SERPINA9: variants seen among roughly 807,000 people sequenced by gnomAD.
SERPINA9 encodes the protein serpin family A member 9, also known as serpin A9.
SERPINA9 carries 32 observed loss-of-function variants against 24.5 expected under a neutral mutation model. That is an observed-to-expected ratio of 1.30 (90% CI 0.98 to 1.75). The LOEUF (loss-of-function observed/expected upper bound fraction) is 1.75. SERPINA9 is among the 40% of genes most tolerant of loss of function. SERPINA9 has a pLI of 0.00. For synonymous variants in SERPINA9, 233 were observed against 197.7 expected (o/e 1.18, Z -1.50); for missense variants, 594 against 497.1 (o/e 1.19, Z -1.85).
At chr14:94,470,266 C>T in intron 1 of SERPINA9, 1 of 949,824 alleles carries the variant, frequency 1.1e-6, no homozygotes, top group South Asian at 4.8e-5. Context: ...GAGGTCCCTC[C>T]ACACATTCTT....
chr14:94,474,148 C>G (rs557130706), intron 1 of SERPINA9, among the ~76,000 whole-genome samples: 1 of 152,190 alleles, frequency 6.6e-6, no homozygotes, highest in African/African-American at 2.4e-5. Flanking sequence ...TGCTGCCAGG[C>G]GCCAGGATGC....
chr14:94,463,494 G>C (rs1898842332), intron 4 of SERPINA9, among the ~76,000 whole-genome samples, 198 bp from the exon 5 acceptor site: 1 of 152,202 alleles, frequency 6.6e-6, no homozygotes. Flanking sequence ...CACCGGGATT[G>C]AGATGGTTAC....
intron 2 of SERPINA9, among the ~76,000 whole-genome samples, chr14:94,468,595 C>A (rs1177859074): frequency 6.6e-6 from 1 of 152,142 alleles, no homozygotes; most frequent in Non-Finnish European, 1.5e-5. Flanking sequence ...GATCATAGAG[C>A]AAGTATGGGG....
rs1454948384 is a variant in SERPINA9 at position 94,462,997 on chromosome 14, C to T, written c.*96G>A. The T allele has an allele frequency of 9.1e-7, 1 of 1,095,844 alleles. No individual in the cohort carries two copies. Among genetic ancestry groups the T allele is most frequent in the African/African-American group, 1.5e-5 (1 of 65,252 alleles). 67.9% of individuals were successfully genotyped at this position (1,095,844 alleles called of 1,614,324 possible). ...ATCCCTGCCAGCGAATCCAGCTCCA[C>T]TGGGGTCAAATGCACCCTCAGAACA... On this transcript the variant is annotated 3_prime_UTR_variant, in exon 5 of 5. Transcript: ENST00000674397.
At chr14:94,468,677 G>A (rs1383234600) in intron 2 of SERPINA9, among the ~76,000 whole-genome samples, 2 of 152,186 alleles carry the variant, frequency 1.3e-5, no homozygotes, top group African/African-American at 2.4e-5. Context: ...CAGTGAAACT[G>A]TAAAGCTCTA....
At position 94,469,794 on chromosome 14, in the gene SERPINA9, G is replaced by T. The variant is rs570822602; in HGVS notation, c.47C>A (p.Ala16Asp). ...GGCCGGGGACACACAGTAGATTGGA[G>T]CACAGAGGCCAACAGCAAAGAGTAC... is the stretch of plus-strand genomic sequence containing the variant. ...YGVLFAVGLC[A>D]PIYCVSPANA... Residue 16 changes from alanine (A) to aspartate (D), a missense_variant, in exon 2 of 5, where the codon GCT becomes GAT. Coordinates refer to ENST00000674397, the MANE Select transcript of SERPINA9 (RefSeq NM_175739.4). The T allele has an allele frequency of 6.0e-5, 92 of 1,528,688 alleles. No homozygotes were observed. The South Asian group carries it at 1.1e-3, about 18-fold the overall frequency. 94.7% of individuals were successfully genotyped at this position (1,528,688 alleles called of 1,614,324 possible). A position where few individuals can be genotyped will look rare whatever the true frequency, so the allele number is the denominator to read the frequency against.
At chr14:94,476,089 T>C (rs769580719) in intron 1 of SERPINA9, 47 bp downstream of exon 1, 6 of 1,613,926 alleles carry the variant, frequency 3.7e-6, no homozygotes, top group Non-Finnish European at 5.1e-6. Context: ...TCCCTCTGGC[T>C]CAGTGACACC....
chr14:94,473,747 A>G (rs1186583100), intron 1 of SERPINA9, among the ~76,000 whole-genome samples: 1 of 152,138 alleles, frequency 6.6e-6, no homozygotes, highest in African/African-American at 2.4e-5. Context: ...TCTAGCCTCA[A>G]TGGTGAAGTG....
intron 4 of SERPINA9, among the ~76,000 whole-genome samples, chr14:94,464,023 A>G (rs1265329031): frequency 6.6e-6 from 1 of 152,146 alleles, no homozygotes; most frequent in South Asian, 2.1e-4. Flanking sequence ...TCAGTAACCC[A>G]TATGTGTGCA....
rs1300655719 is a variant in SERPINA9, at chr14:94,464,639, G to C, written c.1050+68C>G. On this transcript the variant is annotated intron_variant, in intron 4 of 4. Transcript: ENST00000674397. ...CTCTGTTTCCTTATCAACGAAATAA[G>C]AGCATGTGATTAATTCTGCAGGTGC... 9 of 1,301,926 alleles carry C rather than the reference G, an allele frequency of 6.9e-6. No individual in the cohort carries two copies. The East Asian group carries it at 1.9e-4, about 27-fold the overall frequency. 80.6% of individuals were successfully genotyped at this position (1,301,926 alleles called of 1,614,324 possible).
chr14:94,474,354 C>A (rs1336357969), intron 1 of SERPINA9, among the ~76,000 whole-genome samples: 2 of 152,172 alleles, frequency 1.3e-5, no homozygotes, highest in African/African-American at 2.4e-5. Context: ...GGGAGACCCA[C>A]CTGAAGTCGG....
At chr14:94,469,068 T>C in intron 2 of SERPINA9, 145 bp downstream of exon 2, 1 of 689,130 alleles carries the variant, frequency 1.5e-6, no homozygotes. Flanking sequence ...TGCAGCCAGC[T>C]AATTGCAAAG....
Position 94,463,334 on chromosome 14 carries a change from A to G in SERPINA9, c.1051-38T>C, listed in dbSNP as rs1898834044. 3 of 1,575,956 alleles carry G rather than the reference A, an allele frequency of 1.9e-6. No individual in the cohort carries two copies. The African/African-American group carries it at 4.0e-5, about 21-fold the overall frequency. On this transcript the variant is annotated intron_variant, in intron 4 of 4. Transcript: ENST00000674397. ...AAACAAACATCAGTGGCCCTAGTGGAGACACTTTTACTTAACTGAGTAAAC... is the reference window on the plus strand; with the variant it reads ...AAACAAACATCAGTGGCCCTAGTGGGGACACTTTTACTTAACTGAGTAAAC...
chr14:94,469,920 C>T, intron 1 of SERPINA9, 63 bp from the exon 2 acceptor site: 1 of 1,309,776 alleles, frequency 7.6e-7, no homozygotes, highest in Admixed American at 2.4e-5. Context: ...AATCAGAGAC[C>T]CTTTAACACC....
intron 2 of SERPINA9, among the ~76,000 whole-genome samples, chr14:94,468,204 GGATGGATGGATGAACT>G (rs1436815687): frequency 2.0e-5 from 3 of 152,180 alleles, no homozygotes; most frequent in African/African-American, 7.2e-5. Flanking sequence ...ATGGATGCAT[GGATGGATGGATGAACT>G]GATGGATGGA....
Position 94,464,974 on chromosome 14 carries a change from AAGGTCAAC to A in SERPINA9, c.903-128_903-121del, listed in dbSNP as rs1246649081. 4.7e-6 allele frequency: 4 copies of A among 849,548 alleles called. No individual in the cohort carries two copies. The East Asian group carries it at 1.1e-4, about 23-fold the overall frequency. 52.6% of individuals were successfully genotyped at this position (849,548 alleles called of 1,614,324 possible). On this transcript the variant is annotated intron_variant, in intron 3 of 4. Transcript: ENST00000674397. Reference sequence around the variant, plus strand: ...CCAACCACTGCTAATTTCTGCTAAAAAGGTCAACACATCCTAGCCAAGAAACCCAGGTT... The same window carrying A: ...CCAACCACTGCTAATTTCTGCTAAAAACATCCTAGCCAAGAAACCCAGGTT...
rs561577511 is a variant in SERPINA9 at position 94,466,169 on chromosome 14, G to A, written c.902+940C>T. Among the ~76,000 whole-genome samples the A allele has an allele frequency of 2.4e-4, 37 of 152,130 alleles. No individual in the cohort carries two copies. The South Asian group carries it at 5.4e-3, about 22-fold the overall frequency. ...ATGCAGCCTGAGAAGAGAAGAAATC[G>A]CTGACACACCCTGCAGCATCTCTTC... On this transcript the variant is annotated intron_variant, in intron 3 of 4. Coordinates refer to ENST00000674397, the MANE Select transcript of SERPINA9 (RefSeq NM_175739.4).
chr14:94,463,311 A>G lies in SERPINA9; in HGVS notation c.1051-15T>C, dbSNP rs1332541921. The G allele has an allele frequency of 6.2e-7, 1 of 1,613,084 alleles. No homozygotes were observed. Among genetic ancestry groups the G allele is most frequent in the South Asian group, 1.1e-5 (1 of 91,062 alleles). On this transcript the variant is annotated splice_polypyrimidine_tract_variant and intron_variant, in intron 4 of 4. Coordinates refer to ENST00000674397, the MANE Select transcript of SERPINA9 (RefSeq NM_175739.4). The stretch of plus-strand genomic sequence containing the variant: ...TTGTGGGTTGCCTGCCAAGGGAAAA[A>G]CAAACATCAGTGGCCCTAGTGGAGA...
chr14:94,473,110 C>T (rs536912750), intron 1 of SERPINA9, among the ~76,000 whole-genome samples: 24 of 152,316 alleles, frequency 1.6e-4, no homozygotes, highest in African/African-American at 5.8e-4. Flanking sequence ...CATTGCTCTA[C>T]ACACCTGCTT....
Sources: allele counts gnomAD v4.1 joint callset (sites outside exome capture counted in the v4.1 genomes callset), GRCh38; gene constraint gnomAD v4.1.1; transcripts MANE v1.5; gene names NCBI Gene and HGNC (gene_info 2026-07-23, HGNC 2026-07-21).